PIK3C2G: variants seen among roughly 807,000 people sequenced by gnomAD.
PIK3C2G encodes phosphatidylinositol-4-phosphate 3-kinase catalytic subunit type 2 gamma.
Under a neutral mutation model 181.1 loss-of-function variants are expected in PIK3C2G, and 168 were observed. That is an observed-to-expected ratio of 0.93 (90% CI 0.82 to 1.05). PIK3C2G has a LOEUF of 1.05. Among genes scored for constraint, PIK3C2G ranks in the 50% least tolerant of loss-of-function variants. The probability of loss-of-function intolerance (pLI) is 0.00; values close to 1 mark genes in which losing one functional copy is unlikely to be tolerated. For synonymous variants in PIK3C2G, 573 were observed against 592.2 expected (o/e 0.97, Z 0.47); for missense variants, 1,869 against 1,732.8 (o/e 1.08, Z -1.40).
At chr12:18,338,649 A>C in intron 9 of PIK3C2G, 101 bp downstream of exon 9, 4 of 618,392 alleles carry the variant, frequency 6.5e-6, no homozygotes, top group Non-Finnish European at 1.1e-5. Flanking sequence ...TTCCGTGTGT[A>C]TGTTTGTGTG....
chr12:18,369,351 A>G (rs1363471604), intron 12 of PIK3C2G, among the ~76,000 whole-genome samples: 1 of 152,170 alleles, frequency 6.6e-6, no homozygotes, highest in Non-Finnish European at 1.5e-5. Flanking sequence ...AATTTCTTTC[A>G]TCTCCTTGTC....
downstream of PIK3C2G, among the ~76,000 whole-genome samples, chr12:18,650,723 T>TTCCTGTCC (rs1565602747): frequency 5.4e-5 from 1 of 18,366 alleles, no homozygotes; most frequent in African/African-American, 5.1e-4. Context: ...TATATATATA[T>TTCCTGTCC]ATATATATAT....
chr12:18,471,509 C>A (rs570818109), intron 18 of PIK3C2G, among the ~76,000 whole-genome samples: 1 of 152,146 alleles, frequency 6.6e-6, no homozygotes, highest in Non-Finnish European at 1.5e-5. Flanking sequence ...GTAACTGTTG[C>A]CTGAATAATT....
In PIK3C2G at chr12:18,419,996, G is replaced by A. The variant is rs116291007; in HGVS notation, c.2316-945G>A. Among the ~76,000 whole-genome samples, 1,064 of 152,188 alleles carry A rather than the reference G, an allele frequency of 7.0e-3. 6 individuals are homozygous for A. The highest frequency in any genetic ancestry group is 0.019 in the African/African-American group (779 of 41,538). ...GAGCCCTCACCTGACTGGTTGAAAA[G>A]CATTCAGTTAGTTGTCTACAAAATT... is the stretch of plus-strand genomic sequence containing the variant. On this transcript the variant is annotated intron_variant, in intron 16 of 32. Transcript: ENST00000538779.
chr12:18,553,320 G>C (rs1944831277), intron 26 of PIK3C2G, among the ~76,000 whole-genome samples: 1 of 152,036 alleles, frequency 6.6e-6, no homozygotes, highest in African/African-American at 2.4e-5. Context: ...GGCTTTGGGA[G>C]TGGGAACTGA....
intron 11 of PIK3C2G, among the ~76,000 whole-genome samples, chr12:18,361,898 A>T (rs1474829314): frequency 6.6e-6 from 1 of 152,258 alleles, no homozygotes; most frequent in African/African-American, 2.4e-5. Context: ...TTCCCTGACC[A>T]GGGAGTGGCT....
intron 31 of PIK3C2G, among the ~76,000 whole-genome samples, chr12:18,631,719 T>C (rs1377846737): frequency 6.6e-6 from 1 of 152,172 alleles, no homozygotes; most frequent in Non-Finnish European, 1.5e-5. Flanking sequence ...TCTTGGTACA[T>C]AGTGGATTTG....
At chr12:18,447,203 G>A (rs1187225116) in intron 18 of PIK3C2G, among the ~76,000 whole-genome samples, 3 of 152,130 alleles carry the variant, frequency 2.0e-5, no homozygotes, top group African/African-American at 2.4e-5. Flanking sequence ...TATGAACCAC[G>A]AGTGGCAGTT....
At chr12:18,466,744 A>G (rs559758179) in intron 18 of PIK3C2G, among the ~76,000 whole-genome samples, 1 of 152,056 alleles carries the variant, frequency 6.6e-6, no homozygotes, top group Non-Finnish European at 1.5e-5. Flanking sequence ...TCAATAGCAA[A>G]CCACTTTACT....
chr12:18,483,014 A>T lies in PIK3C2G; in HGVS notation c.2505-5435A>T, dbSNP rs1337095260. ...GTTTGCAACACTCTTGAAATATAGG[A>T]TAACTATTATCTCTTTTCTTCAGTC... On this transcript the variant is annotated intron_variant, in intron 18 of 32. Coordinates refer to ENST00000538779, the MANE Select transcript of PIK3C2G (RefSeq NM_001288772.2). Among the ~76,000 whole-genome samples, 8 of 152,266 alleles carry T rather than the reference A, an allele frequency of 5.3e-5. No homozygotes were observed. In the East Asian group the frequency reaches 1.5e-3, roughly 29 times the overall value.
At chr12:18,443,216 T>C (rs879539374) in intron 18 of PIK3C2G, among the ~76,000 whole-genome samples, 6 of 152,190 alleles carry the variant, frequency 3.9e-5, no homozygotes, top group South Asian at 2.1e-4. Context: ...GAACCTAAAC[T>C]GATCTTACAA....
chr12:18,418,600 G>A lies in PIK3C2G; in HGVS notation c.2316-2341G>A, dbSNP rs569666639. Among the ~76,000 whole-genome samples the A allele has an allele frequency of 3.9e-5, 6 of 152,188 alleles. No individual in the cohort carries two copies. The South Asian group carries it at 1.2e-3, about 32-fold the overall frequency. ...ATTAAAAATGTTAGTATTAGCATGAGGTAATTATGGCCTAGAGTAGACAGC... is the reference window on the plus strand; with the variant it reads ...ATTAAAAATGTTAGTATTAGCATGAAGTAATTATGGCCTAGAGTAGACAGC... On this transcript the variant is annotated intron_variant, in intron 16 of 32. Coordinates refer to ENST00000538779, the MANE Select transcript of PIK3C2G (RefSeq NM_001288772.2).
intron 29 of PIK3C2G, among the ~76,000 whole-genome samples, chr12:18,567,891 A>C (rs938947710): frequency 3.3e-5 from 5 of 152,224 alleles, no homozygotes; most frequent in African/African-American, 9.6e-5. Flanking sequence ...TAAAATGAAA[A>C]TGTTAGTGGG....
intron 24 of PIK3C2G, among the ~76,000 whole-genome samples, chr12:18,519,687 CT>C (rs1212386712): frequency 6.6e-6 from 1 of 152,006 alleles, no homozygotes; most frequent in Non-Finnish European, 1.5e-5. Context: ...CAGTGTGTGT[CT>C]TTTAGTTGGG....
downstream of PIK3C2G, among the ~76,000 whole-genome samples, chr12:18,652,110 A>G (rs1199653095): frequency 6.6e-6 from 1 of 152,170 alleles, no homozygotes; most frequent in Non-Finnish European, 1.5e-5. Flanking sequence ...GTACTCCCCA[A>G]AATTGATAGG....
intron 30 of PIK3C2G, among the ~76,000 whole-genome samples, chr12:18,606,747 C>T (rs1442350841): frequency 6.6e-6 from 1 of 151,878 alleles, no homozygotes; most frequent in African/African-American, 2.4e-5. Context: ...TTCTGATGAC[C>T]ATTGACAAAT....
chr12:18,344,108 C>T (rs1349478735), intron 10 of PIK3C2G, among the ~76,000 whole-genome samples: 1 of 152,074 alleles, frequency 6.6e-6, no homozygotes, highest in East Asian at 1.9e-4. Context: ...TGTGCAGGAT[C>T]TGGTCAGGAT....
intron 13 of PIK3C2G, among the ~76,000 whole-genome samples, chr12:18,374,206 A>C (rs774313607): frequency 1.3e-5 from 2 of 152,304 alleles, no homozygotes; most frequent in South Asian, 2.1e-4. Flanking sequence ...CCTGAGCACC[A>C]GTATTTTCAA....
rs575746524 is a variant in PIK3C2G at position 18,272,054 on chromosome 12, CT to C, written c.-78-9948del. On this transcript the variant is annotated intron_variant, in intron 1 of 32. Transcript: ENST00000538779. Reference sequence around the variant, plus strand: ...CTTTGTCTCCCCATGAGTAAACACTCTTCTGATATCACTTCTGTACTTTTCT... The same window carrying C: ...CTTTGTCTCCCCATGAGTAAACACTCTCTGATATCACTTCTGTACTTTTCT... 1.3e-3 allele frequency among the ~76,000 whole-genome samples: 200 copies of C among 152,318 alleles called. 1 individual carries two copies. The highest frequency in any genetic ancestry group is 3.4e-3 in the Middle Eastern group (1 of 292).
Sources: allele counts gnomAD v4.1 joint callset (sites outside exome capture counted in the v4.1 genomes callset), GRCh38; gene constraint gnomAD v4.1.1; transcripts MANE v1.5; gene names NCBI Gene and HGNC (gene_info 2026-07-23, HGNC 2026-07-21).